Variants in BCAS4 observed in about 807,000 individuals in gnomAD.
BCAS4 encodes breast carcinoma amplified sequence 4, also known as breast carcinoma-amplified sequence 4.
In BCAS4, 9 loss-of-function variants were observed where a neutral mutation model predicts 15.7. The ratio of observed to expected loss-of-function variants is 0.57; its 90% CI spans 0.34 to 1.00. The LOEUF is 1.00. BCAS4 is among the 50% of genes least tolerant of loss of function. BCAS4 has a pLI of 0.02. For missense variants in BCAS4, 225 were observed against 239.1 expected (o/e 0.94, Z 0.39); for synonymous variants, 101 against 99.5 (o/e 1.02, Z -0.09).
chr20:50,818,265 T>C lies in BCAS4; in HGVS notation c.145T>C (p.Cys49Arg). The C allele has an allele frequency of 6.3e-7, 1 of 1,580,772 alleles. No homozygotes were observed. The highest frequency in any genetic ancestry group is 8.6e-7 in the Non-Finnish European group (1 of 1,165,832). Residue 49 changes from cysteine to arginine, a missense_variant, in exon 2 of 5, where the codon TGC becomes CGC. Coordinates refer to ENST00000371608, the MANE Select transcript of BCAS4 (RefSeq NM_198799.4). ...CATGCTCCTCAGGCTGGAAGAGTTTTGCAGCCTGGCTGACCTGGTGAGTGG... is the reference window on the plus strand; with the variant it reads ...CATGCTCCTCAGGCTGGAAGAGTTTCGCAGCCTGGCTGACCTGGTGAGTGG... Reference protein sequence around the residue: ...EGMLLRLEEFCSLADLIRSDT... With the variant: ...EGMLLRLEEFRSLADLIRSDT...
chr20:50,855,603 C>T (rs942248133), intron 4 of BCAS4, among the ~76,000 whole-genome samples: 15 of 151,902 alleles, frequency 9.9e-5, no homozygotes, highest in African/African-American at 1.5e-4. Flanking sequence ...GGGTGTGGGC[C>T]GGCAGGGCTA....
intron 4 of BCAS4, among the ~76,000 whole-genome samples, chr20:50,867,402 A>C (rs1979413406): frequency 6.6e-6 from 1 of 152,166 alleles, no homozygotes. Flanking sequence ...GCTGGAGTGC[A>C]GTGGCAAGAT....
chr20:50,838,425 A>G (rs1263108248), intron 3 of BCAS4, among the ~76,000 whole-genome samples: 1 of 152,182 alleles, frequency 6.6e-6, no homozygotes, highest in African/African-American at 2.4e-5. Flanking sequence ...AGCCAGAAAG[A>G]CAGACTCGGC....
chr20:50,821,741 G>C (rs2088219288), intron 2 of BCAS4, among the ~76,000 whole-genome samples: 1 of 152,116 alleles, frequency 6.6e-6, no homozygotes, highest in African/African-American at 2.4e-5. Context: ...ATAAAATTAG[G>C]CTGTTAGAAA....
chr20:50,832,310 T>C (rs1600868969), intron 3 of BCAS4, among the ~76,000 whole-genome samples: 1 of 151,660 alleles, frequency 6.6e-6, no homozygotes, highest in East Asian at 1.9e-4. Flanking sequence ...CAGGCTAGAG[T>C]GCAGTGGCAT....
chr20:50,881,808 GCAC>G (rs1980121620), downstream of BCAS4: 1 of 152,032 alleles, frequency 6.6e-6, no homozygotes, highest in Admixed American at 6.6e-5. Context: ...TTACAGGTGC[GCAC>G]CACCATGCCC....
intron 4 of BCAS4, among the ~76,000 whole-genome samples, chr20:50,862,174 C>T (rs1979115608): frequency 1.3e-5 from 2 of 151,942 alleles, no homozygotes; most frequent in Admixed American, 1.3e-4. Context: ...TTTTCCTTCT[C>T]TCTTCCCCAC....
chr20:50,875,306 GCA>G (rs143840040), intron 4 of BCAS4, among the ~76,000 whole-genome samples: 4,356 of 152,318 alleles, frequency 0.029, 196 homozygotes, highest in African/African-American at 0.095. Context: ...GCCAGCCAGC[GCA>G]CAGTGAGCGG....
intron 2 of BCAS4, among the ~76,000 whole-genome samples, chr20:50,825,801 T>A (rs1317573674): frequency 6.6e-6 from 1 of 152,136 alleles, no homozygotes; most frequent in East Asian, 1.9e-4. Context: ...CACTTGAACC[T>A]AGGAGGCAGA....
intron 4 of BCAS4, among the ~76,000 whole-genome samples, chr20:50,854,957 C>A (rs1036559998): frequency 1.3e-5 from 2 of 152,206 alleles, no homozygotes; most frequent in African/African-American, 4.8e-5. Context: ...TCTGGGTCAG[C>A]CCCTCCACAC....
intron 2 of BCAS4, among the ~76,000 whole-genome samples, chr20:50,819,422 C>T (rs966118911): frequency 2.6e-5 from 4 of 152,232 alleles, no homozygotes; most frequent in Middle Eastern, 6.8e-3. Context: ...CACCTGGGCC[C>T]AGTGGTGTGC....
intron 2 of BCAS4, among the ~76,000 whole-genome samples, chr20:50,827,437 G>A (rs538319670): frequency 6.6e-6 from 1 of 152,316 alleles, no homozygotes; most frequent in Non-Finnish European, 1.5e-5. Context: ...GCTTTCTCCA[G>A]TGGAATTTGC....
intron 2 of BCAS4, among the ~76,000 whole-genome samples, chr20:50,819,817 T>A (rs1318777760): frequency 1.3e-5 from 2 of 149,492 alleles, no homozygotes; most frequent in Non-Finnish European, 2.9e-5. Flanking sequence ...TTTCTGTCTT[T>A]CCGTCTTTCC....
chr20:50,849,093 GA>G (rs1159742710), intron 4 of BCAS4, among the ~76,000 whole-genome samples: 3 of 152,264 alleles, frequency 2.0e-5, no homozygotes, highest in Admixed American at 6.5e-5. Flanking sequence ...GCTTCCTGCT[GA>G]CCATGCCAGG....
intron 1 of BCAS4, among the ~76,000 whole-genome samples, chr20:50,813,238 G>A (rs762677601): frequency 3.3e-5 from 5 of 152,204 alleles, no homozygotes; most frequent in South Asian, 2.1e-4. Flanking sequence ...CCAGCAGTGC[G>A]TGAGGCTTCC....
chr20:50,816,246 G>A (rs1278843721), intron 1 of BCAS4, among the ~76,000 whole-genome samples: 14 of 152,156 alleles, frequency 9.2e-5, no homozygotes, highest in African/African-American at 3.1e-4. Context: ...GGCTGGTCTC[G>A]AACTCCTGAC....
intron 1 of BCAS4, among the ~76,000 whole-genome samples, chr20:50,812,520 T>A (rs2088083417): frequency 6.7e-6 from 1 of 149,056 alleles, no homozygotes; most frequent in Non-Finnish European, 1.5e-5. Flanking sequence ...CACTGCAAAC[T>A]CCACCTCCTG....
chr20:50,795,142 C>G lies in BCAS4; in HGVS notation c.59C>G (p.Ala20Gly), dbSNP rs2123734570. The G allele has an allele frequency of 6.8e-7, 1 of 1,472,502 alleles. No homozygotes were observed. The allele number at this position is 1,472,502 out of a possible 1,614,324, so 91.2% of individuals were successfully genotyped here. A position where few individuals can be genotyped will look rare whatever the true frequency, so the allele number is the denominator to read the frequency against. Residue 20 changes from alanine to glycine, a missense_variant, in exon 1 of 5, where the codon GCG (alanine) becomes GGG (glycine). By Grantham distance (60) the Ala-to-Gly change is moderately conservative. Coordinates refer to ENST00000371608, the MANE Select transcript of BCAS4 (RefSeq NM_198799.4). The part of the protein sequence containing the change: ...EPMRSGAREL[A>G]LFLTPEPGAE... The stretch of plus-strand genomic sequence containing the variant: ...ATGCGCAGCGGGGCGCGCGAGCTCG[C>G]GCTCTTCCTGACCCCCGAGCCTGGG...
At chr20:50,854,908 T>C (rs1490916442) in intron 4 of BCAS4, among the ~76,000 whole-genome samples, 1 of 152,232 alleles carries the variant, frequency 6.6e-6, no homozygotes, top group Non-Finnish European at 1.5e-5. Context: ...CCTGCAGGAA[T>C]TGAATGGAGT....
Sources: allele counts gnomAD v4.1 joint callset (sites outside exome capture counted in the v4.1 genomes callset), GRCh38; gene constraint gnomAD v4.1.1; transcripts MANE v1.5; gene names NCBI Gene and HGNC (gene_info 2026-07-23, HGNC 2026-07-21).